Variants in TMEM260 observed in about 807,000 individuals in gnomAD.
TMEM260 encodes transmembrane protein 260, also known as protein O-mannosyl-transferase TMEM260.
A neutral mutation model predicts 88.9 loss-of-function variants in TMEM260; 82 were observed. That is an observed-to-expected ratio of 0.92 (90% confidence interval 0.77 to 1.11). TMEM260 has a LOEUF of 1.11. TMEM260 is among the 50% of genes least tolerant of loss of function. TMEM260 has a pLI of 0.00. For synonymous variants in TMEM260, 314 were observed against 309.3 expected (o/e 1.02, Z -0.16); for missense variants, 902 against 853.4 (o/e 1.06, Z -0.71).
At chr14:56,610,400 C>G (rs921968515) in intron 6 of TMEM260, among the ~76,000 whole-genome samples, 2 of 152,084 alleles carry the variant, frequency 1.3e-5, no homozygotes, top group African/African-American at 4.8e-5. Flanking sequence ...ACCACCACAC[C>G]TGGCTAATTT....
At chr14:56,624,678 G>A (rs1566560723) in intron 11 of TMEM260, among the ~76,000 whole-genome samples, 1 of 152,176 alleles carries the variant, frequency 6.6e-6, no homozygotes, top group South Asian at 2.1e-4. Flanking sequence ...ACAGTCTGGT[G>A]AGGAACAGGC....
downstream of TMEM260, among the ~76,000 whole-genome samples, chr14:56,652,333 A>C (rs1193020352): frequency 2.0e-5 from 3 of 151,914 alleles, no homozygotes; most frequent in Non-Finnish European, 4.4e-5. Context: ...TGGTCTCTAC[A>C]AAAGAAATAC....
At chr14:56,628,755 T>TAAA (rs1888393797) in intron 12 of TMEM260, among the ~76,000 whole-genome samples, 1 of 152,168 alleles carries the variant, frequency 6.6e-6, no homozygotes, top group Non-Finnish European at 1.5e-5. Context: ...ATAGACAGCA[T>TAAA]ATATTTGAGT....
intron 15 of TMEM260, among the ~76,000 whole-genome samples, chr14:56,639,887 T>G (rs1889438381): frequency 6.6e-6 from 1 of 152,182 alleles, no homozygotes; most frequent in Non-Finnish European, 1.5e-5. Flanking sequence ...CACTCATTGC[T>G]AGCACAGCAG....
At chr14:56,661,562 A>AC in the TMEM260 span, among the ~76,000 whole-genome samples, 1 of 119,746 alleles carries the variant, frequency 8.4e-6, no homozygotes, top group African/African-American at 4.1e-5. Flanking sequence ...GAGGGAGGGA[A>AC]AGAGGGAAGG....
rs34046661 is a variant in TMEM260, at chr14:56,647,567, C to CA, written c.*72dup. 562,308 of 1,499,328 alleles carry CA rather than the reference C, an allele frequency of 0.38. 111,594 individuals carry two copies. The highest frequency in any genetic ancestry group is 0.41 in the Non-Finnish European group (464,569 of 1,130,310). The allele number at this position is 1,499,328 out of a possible 1,614,324, so 92.9% of individuals were successfully genotyped here. On this transcript the variant is annotated 3_prime_UTR_variant, in exon 16 of 16. Transcript: ENST00000261556. The stretch of plus-strand genomic sequence containing the variant: ...TTCTGAAGTCTGGAAGTTTTTCCTT[C>CA]AAGAAAAGAAACTGCATAAAAAATT...
chr14:56,581,727 T>C (rs922242958), intron 1 of TMEM260, among the ~76,000 whole-genome samples: 5 of 152,156 alleles, frequency 3.3e-5, no homozygotes, highest in South Asian at 2.1e-4. Context: ...CTTTTATAAA[T>C]GGGAAAACTA....
intron 15 of TMEM260, among the ~76,000 whole-genome samples, chr14:56,639,820 C>CA (rs1331411430): frequency 6.6e-6 from 1 of 152,198 alleles, no homozygotes; most frequent in Non-Finnish European, 1.5e-5. Flanking sequence ...TAACAAACGG[C>CA]ACACCAGGAG....
At chr14:56,582,327 T>C (rs1885188847) in intron 1 of TMEM260, among the ~76,000 whole-genome samples, 1 of 152,204 alleles carries the variant, frequency 6.6e-6, no homozygotes, top group African/African-American at 2.4e-5. Flanking sequence ...ACAGTTCATT[T>C]ATGGGCAGGG....
At chr14:56,642,207 T>C (rs528049336) in intron 15 of TMEM260, among the ~76,000 whole-genome samples, 145 of 152,296 alleles carry the variant, frequency 9.5e-4, no homozygotes, top group African/African-American at 3.4e-3. Flanking sequence ...GAATATACAT[T>C]CTTCTCAGCA....
At chr14:56,582,542 G>A (rs1885204453) in intron 1 of TMEM260, among the ~76,000 whole-genome samples, 1 of 152,184 alleles carries the variant, frequency 6.6e-6, no homozygotes, top group Non-Finnish European at 1.5e-5. Flanking sequence ...CCATTAGTTT[G>A]TATTGCAGAC....
chr14:56,603,667 T>C (rs1886710966), intron 3 of TMEM260, 148 bp from the exon 4 acceptor site: 1 of 761,144 alleles, frequency 1.3e-6, no homozygotes, highest in Non-Finnish European at 2.1e-6. Context: ...TGAAGGAAAT[T>C]ATTATATGAG....
Position 56,618,775 on chromosome 14 carries a change from T to C in TMEM260, c.1226+12T>C. ...TATTCTAATTACAGGTAATACATGG[T>C]TATTTTTATGAAAAGTAGCTGTCAA... On this transcript the variant is annotated intron_variant, in intron 10 of 15. Coordinates refer to ENST00000261556, the MANE Select transcript of TMEM260 (RefSeq NM_017799.4). 2.5e-6 allele frequency: 4 copies of C among 1,610,310 alleles called. No homozygotes were observed. Among genetic ancestry groups the C allele is most frequent in the Non-Finnish European group, 8.5e-7 (1 of 1,177,500 alleles).
upstream of TMEM260, chr14:56,579,784 A>G (rs1446448148): frequency 5.8e-6 from 5 of 868,678 alleles, no homozygotes; most frequent in Non-Finnish European, 7.6e-6. Context: ...GTGCGGTCCA[A>G]CCCGCGGAGG....
intron 12 of TMEM260, 37 bp downstream of exon 12, chr14:56,625,567 C>T (rs1888201312): frequency 6.5e-7 from 1 of 1,529,082 alleles, no homozygotes; most frequent in South Asian, 1.2e-5. Context: ...TTTCTAAAAT[C>T]TTAAGCTTTT....
chr14:56,603,259 A>AG (rs1000943968), intron 3 of TMEM260, among the ~76,000 whole-genome samples: 4 of 151,824 alleles, frequency 2.6e-5, no homozygotes, highest in East Asian at 3.9e-4. Flanking sequence ...CTAAAGAAAA[A>AG]AAACCCTTGC....
At chr14:56,661,691 T>C in the TMEM260 span, among the ~76,000 whole-genome samples, 9 of 152,244 alleles carry the variant, frequency 5.9e-5, no homozygotes, top group Non-Finnish European at 1.3e-4. Flanking sequence ...CTCCCTGCCA[T>C]GTGAGTGAGT....
chr14:56,610,881 TATTA>T lies in TMEM260; in HGVS notation c.817-1360_817-1357del, dbSNP rs540667071. On this transcript the variant is annotated intron_variant, in intron 6 of 15. Transcript: ENST00000261556. ...GTCTATAATGGAAGTATAAAAAGGT[TATTA>T]ATTTATTAACATGTAAATCATTTTT... Among the ~76,000 whole-genome samples, 33 of 152,192 alleles carry T rather than the reference TATTA, an allele frequency of 2.2e-4. No individual in the cohort carries two copies. The South Asian group carries it at 2.9e-3, about 13-fold the overall frequency.
intron 4 of TMEM260, among the ~76,000 whole-genome samples, chr14:56,605,355 A>G (rs963749343): frequency 6.6e-6 from 1 of 152,220 alleles, no homozygotes; most frequent in Admixed American, 6.5e-5. Flanking sequence ...GTTATTTAAG[A>G]TCAAATTGCA....
Sources: gnomAD v4.1 joint callset for allele counts (sites outside exome capture counted in the v4.1 genomes callset) on GRCh38, gnomAD v4.1.1 for gene constraint, MANE v1.5 for transcripts, NCBI Gene and HGNC (gene_info 2026-07-23, HGNC 2026-07-21) for gene names.